MAPK10: variants seen among roughly 807,000 people sequenced by gnomAD.
MAPK10 encodes the protein mitogen-activated protein kinase 10, also known as JNK3 alpha protein kinase.
Under a neutral mutation model 59.3 loss-of-function variants are expected in MAPK10, and 25 were observed. The ratio of observed to expected loss-of-function variants is 0.42; its 90% CI spans 0.31 to 0.59. MAPK10 has a LOEUF of 0.59. Ranked by LOEUF, MAPK10 falls within the 20% of genes least tolerant of loss-of-function variation. The pLI is 0.15. For synonymous variants in MAPK10, 190 were observed against 200.5 expected, an observed-to-expected ratio of 0.95 and a Z score of 0.44; for missense variants, 351 against 568.9, an observed-to-expected ratio of 0.62 and a Z score of 3.90.
chr4:86,056,474 G>A (rs1215289038), intron 11 of MAPK10, among the ~76,000 whole-genome samples: 9 of 149,852 alleles, frequency 6.0e-5, no homozygotes, highest in Non-Finnish European at 1.3e-4. Context: ...TGTTGTTTCA[G>A]GAATTTATTA....
At chr4:86,181,869 A>G (rs779778451) in intron 3 of MAPK10, among the ~76,000 whole-genome samples, 33 of 152,160 alleles carry the variant, frequency 2.2e-4, no homozygotes, top group Non-Finnish European at 4.3e-4. Flanking sequence ...TTCTCTGTGA[A>G]TATATCTCCT....
At chr4:86,122,810 T>C (rs1277305200) in intron 4 of MAPK10, among the ~76,000 whole-genome samples, 4 of 151,876 alleles carry the variant, frequency 2.6e-5, no homozygotes, top group Non-Finnish European at 5.9e-5. Context: ...CATTGCTTCA[T>C]TGTCCATTTG....
intron 2 of MAPK10, among the ~76,000 whole-genome samples, chr4:86,304,324 C>T (rs1209666772): frequency 6.6e-6 from 1 of 151,708 alleles, no homozygotes; most frequent in African/African-American, 2.4e-5. Flanking sequence ...TGTTTCTTCA[C>T]CCTTAATGCT....
intron 11 of MAPK10, among the ~76,000 whole-genome samples, chr4:86,042,830 T>C (rs1464259480): frequency 6.6e-6 from 1 of 152,046 alleles, no homozygotes; most frequent in Non-Finnish European, 1.5e-5. Context: ...ATGAGCTAAA[T>C]GGCAGTATTA....
chr4:86,547,988 A>C (rs1759379453), intron 1 of MAPK10, among the ~76,000 whole-genome samples: 1 of 152,222 alleles, frequency 6.6e-6, no homozygotes, highest in Non-Finnish European at 1.5e-5. Flanking sequence ...GGGTGGAGCC[A>C]GACAAGAGAA....
intron 4 of MAPK10, among the ~76,000 whole-genome samples, chr4:86,147,300 C>G (rs2065242264): frequency 6.6e-6 from 1 of 152,110 alleles, no homozygotes; most frequent in African/African-American, 2.4e-5. Context: ...GTTGCTCAGG[C>G]TGGTCTCAAA....
At chr4:86,372,519 C>CG (rs1738928120) in intron 1 of MAPK10, among the ~76,000 whole-genome samples, 1 of 43,460 alleles carries the variant, frequency 2.3e-5, no homozygotes, top group Non-Finnish European at 4.2e-5. Context: ...CCATCTCAAA[C>CG]AAAAGAAAGA....
At chr4:86,547,762 C>T (rs1759353849) in intron 1 of MAPK10, among the ~76,000 whole-genome samples, 1 of 152,202 alleles carries the variant, frequency 6.6e-6, no homozygotes, top group Non-Finnish European at 1.5e-5. Context: ...ATTGTAAATA[C>T]ACCAATCAGC....
chr4:86,023,813 AT>A (rs2148902825), intron 13 of MAPK10: 1 of 2,682 alleles, frequency 3.7e-4, no homozygotes, highest in South Asian at 0.016. Flanking sequence ...GATCAAATGA[AT>A]ATATATATAT....
At chr4:86,217,055 T>A (rs2087874199) in intron 2 of MAPK10, among the ~76,000 whole-genome samples, 1 of 152,136 alleles carries the variant, frequency 6.6e-6, no homozygotes, top group South Asian at 2.1e-4. Flanking sequence ...GTTAGGAAAC[T>A]TTCAAAATTT....
chr4:86,153,245 T>C (rs2066914553), intron 4 of MAPK10, among the ~76,000 whole-genome samples: 1 of 152,190 alleles, frequency 6.6e-6, no homozygotes, highest in African/African-American at 2.4e-5. Flanking sequence ...AATAGGGACA[T>C]TAGTATTTAT....
intron 1 of MAPK10, among the ~76,000 whole-genome samples, chr4:86,555,377 C>T (rs1353233348): frequency 1.3e-5 from 2 of 152,010 alleles, no homozygotes; most frequent in South Asian, 2.1e-4. Context: ...ACCTAGGAGG[C>T]GGAGGTTGCA....
At chr4:86,046,562 C>A (rs1050782605) in intron 11 of MAPK10, among the ~76,000 whole-genome samples, 4 of 152,020 alleles carry the variant, frequency 2.6e-5, no homozygotes, top group Admixed American at 2.6e-4. Context: ...AGATATCCAA[C>A]AAGTATGAAC....
chr4:86,100,818 C>T, intron 8 of MAPK10: 1 of 405,024 alleles, frequency 2.5e-6, no homozygotes, highest in Non-Finnish European at 4.5e-6. Context: ...ATTTACAATT[C>T]TTTTTCACTA....
chr4:86,435,521 A>T (rs1265046581), intron 1 of MAPK10, among the ~76,000 whole-genome samples: 1 of 152,182 alleles, frequency 6.6e-6, no homozygotes, highest in East Asian at 1.9e-4. Context: ...CAAAGATGGT[A>T]AATTTTATAT....
intron 3 of MAPK10, among the ~76,000 whole-genome samples, chr4:86,178,895 C>T (rs1178556961): frequency 6.6e-6 from 1 of 152,088 alleles, no homozygotes; most frequent in African/African-American, 2.4e-5. Context: ...GAACAACAAA[C>T]TAGCTAAAAA....
chr4:86,032,893 A>G (rs1236060934), intron 11 of MAPK10, among the ~76,000 whole-genome samples: 1 of 152,194 alleles, frequency 6.6e-6, no homozygotes, highest in African/African-American at 2.4e-5. Flanking sequence ...CTGGGGCAGA[A>G]GGCTGTAAAC....
chr4:86,386,334 G>T (rs1181433864), intron 1 of MAPK10, among the ~76,000 whole-genome samples: 2 of 152,208 alleles, frequency 1.3e-5, no homozygotes, highest in Non-Finnish European at 2.9e-5. Flanking sequence ...GAATGCTCAG[G>T]TGTACCATAC....
chr4:86,448,071 ATTATG>A (rs1288008209), intron 1 of MAPK10, among the ~76,000 whole-genome samples: 3 of 152,322 alleles, frequency 2.0e-5, no homozygotes, highest in African/African-American at 7.2e-5. Context: ...TGGGAGTTAG[ATTATG>A]TTAATATGTA....
Sources: gnomAD v4.1 joint callset for allele counts (sites outside exome capture counted in the v4.1 genomes callset) on GRCh38, gnomAD v4.1.1 for gene constraint, MANE v1.5 for transcripts, NCBI Gene and HGNC (gene_info 2026-07-23, HGNC 2026-07-21) for gene names.